Variants in DNAJC8 observed in about 807,000 individuals in gnomAD.
DNAJC8 encodes the protein dnaJ homolog subfamily C member 8.
In DNAJC8, 24 loss-of-function variants were observed where a neutral mutation model predicts 43.2. That is an observed-to-expected ratio of 0.56 (90% CI 0.40 to 0.78). DNAJC8 has a LOEUF of 0.78. Ranked by LOEUF, DNAJC8 falls within the 30% of genes least tolerant of loss-of-function variation. DNAJC8 has a pLI of 0.00. For missense variants in DNAJC8, 207 were observed against 299.4 expected, an observed-to-expected ratio of 0.69 and a Z score of 2.28; for synonymous variants, 83 against 98.0, an observed-to-expected ratio of 0.85 and a Z score of 0.90.
intron 7 of DNAJC8, 94 bp downstream of exon 7, chr1:28,205,164 A>T: frequency 1.1e-6 from 1 of 900,328 alleles, no homozygotes; most frequent in Non-Finnish European, 1.7e-6. Flanking sequence ...TAAATGGTAT[A>T]CTATATAATT....
At chr1:28,225,998 C>A (rs1646931585) in intron 2 of DNAJC8, among the ~76,000 whole-genome samples, 1 of 150,932 alleles carries the variant, frequency 6.6e-6, no homozygotes. Flanking sequence ...GCCACCACAC[C>A]TGGCCAAAAT....
intron 3 of DNAJC8, among the ~76,000 whole-genome samples, chr1:28,213,872 T>C (rs1478015781): frequency 1.3e-5 from 2 of 151,886 alleles, no homozygotes; most frequent in African/African-American, 2.4e-5. Context: ...AAAAATTATC[T>C]GAGCATGGTG....
At chr1:28,208,533 T>TAA (rs905232237) in intron 5 of DNAJC8, 120 bp from the exon 6 acceptor site, 99 of 380,636 alleles carry the variant, frequency 2.6e-4, no homozygotes, top group South Asian at 7.0e-4. Flanking sequence ...AAGTTTTCAT[T>TAA]AAAAAAAAAA....
rs184901526 is a variant in DNAJC8, at chr1:28,218,443, G to T, written c.181-3447C>A. ...ATAATTTTTTTTTTTTTGAGACAGT[G>T]TCTCACTTTGTTGCCCAGGCTGGAG... On this transcript the variant is annotated intron_variant, in intron 2 of 8. Coordinates refer to ENST00000263697, the MANE Select transcript of DNAJC8 (RefSeq NM_014280.3). Among the ~76,000 whole-genome samples the T allele has an allele frequency of 6.0e-5, 9 of 150,648 alleles. No homozygotes were observed. The East Asian group carries it at 1.8e-3, about 29-fold the overall frequency.
At chr1:28,232,044 C>G (rs1023228192) in intron 1 of DNAJC8, among the ~76,000 whole-genome samples, 2 of 151,210 alleles carry the variant, frequency 1.3e-5, no homozygotes, top group African/African-American at 2.4e-5. Flanking sequence ...CGTGAGCCAC[C>G]GCGCCCAACC....
At chr1:28,210,228 A>C in intron 4 of DNAJC8, 162 bp from the exon 5 acceptor site, 1 of 649,074 alleles carries the variant, frequency 1.5e-6, no homozygotes, top group South Asian at 2.0e-5. Flanking sequence ...TATAGCAATG[A>C]CTTTCCTTAA....
intron 8 of DNAJC8, among the ~76,000 whole-genome samples, chr1:28,201,613 A>G (rs1553167340): frequency 6.6e-6 from 1 of 152,058 alleles, no homozygotes; most frequent in African/African-American, 2.4e-5. Flanking sequence ...ACATGGTGAA[A>G]CCCTGTGTCT....
intron 6 of DNAJC8, among the ~76,000 whole-genome samples, chr1:28,206,910 A>G (rs2149015420): frequency 6.6e-6 from 1 of 152,352 alleles, no homozygotes; most frequent in South Asian, 2.1e-4. Flanking sequence ...CCAGTCCCTA[A>G]TAAAGACAAA....
Position 28,229,873 on chromosome 1 carries a change from CAT to C in DNAJC8, c.79-852_79-851del, listed in dbSNP as rs1215984601. Reference sequence around the variant, plus strand: ...AAGGAAAAATACAATCACAGTAAGACATAAACTATGAGCAGCATTTAAAACTG... The same window carrying C: ...AAGGAAAAATACAATCACAGTAAGACAAACTATGAGCAGCATTTAAAACTG... On this transcript the variant is annotated intron_variant, in intron 1 of 8. Coordinates refer to ENST00000263697, the MANE Select transcript of DNAJC8 (RefSeq NM_014280.3). Among the ~76,000 whole-genome samples, 4 of 151,794 alleles carry C rather than the reference CAT, an allele frequency of 2.6e-5. No homozygotes were observed. In the South Asian group the frequency reaches 6.3e-4, roughly 24 times the overall value.
chr1:28,204,895 C>G (rs1646758804), intron 7 of DNAJC8, among the ~76,000 whole-genome samples: 2 of 152,094 alleles, frequency 1.3e-5, no homozygotes, highest in Non-Finnish European at 2.9e-5. Flanking sequence ...TGGTGGTGTA[C>G]ACCTGTAGTC....
intron 8 of DNAJC8, 32 bp from the exon 9 acceptor site, chr1:28,201,402 C>A (rs756105567): frequency 5.0e-6 from 8 of 1,613,020 alleles, no homozygotes; most frequent in Non-Finnish European, 5.9e-6. Context: ...GGTGAGGAGA[C>A]CAGTCAATGA....
At chr1:28,212,722 T>C (rs573424223) in intron 3 of DNAJC8, among the ~76,000 whole-genome samples, 1 of 152,326 alleles carries the variant, frequency 6.6e-6, no homozygotes, top group Non-Finnish European at 1.5e-5. Context: ...CAGGGAACTA[T>C]GTCGGGGAAT....
intron 2 of DNAJC8, among the ~76,000 whole-genome samples, chr1:28,227,226 T>C (rs1029640765): frequency 7.0e-6 from 1 of 142,848 alleles, no homozygotes; most frequent in African/African-American, 2.6e-5. Context: ...CTGAACAATA[T>C]GGCAAAACCC....
intron 2 of DNAJC8, among the ~76,000 whole-genome samples, chr1:28,218,179 T>C (rs1427735453): frequency 1.3e-4 from 19 of 147,216 alleles, no homozygotes; most frequent in Non-Finnish European, 2.7e-4. Flanking sequence ...CACTGCAACC[T>C]CCGCCTCTGG....
intron 4 of DNAJC8, 77 bp downstream of exon 4, chr1:28,210,494 G>C (rs1646803416): frequency 7.6e-7 from 1 of 1,315,312 alleles, no homozygotes; most frequent in African/African-American, 1.5e-5. Flanking sequence ...AACAGTCTTT[G>C]CTTGATCTAG....
In DNAJC8 at chr1:28,232,948, C is replaced by T. The variant is rs775966995; in HGVS notation, c.51G>A (p.Glu17=). 3.1e-6 allele frequency: 5 copies of T among 1,613,258 alleles called. No individual in the cohort carries two copies. In the African/African-American group the frequency reaches 6.7e-5, roughly 22 times the overall value. Residue 17 remains glutamate (E), a synonymous_variant, in exon 1 of 9, where the codon GAG becomes GAA. Transcript: ENST00000263697. ...SGTSGGGGST[E]EAFMTFYSEV... Reference sequence around the variant, plus strand: ...CACTGTAGAAGGTCATAAATGCTTCCTCGGTGCTGCCTCCGCCGCCTGAAG... The same window carrying T: ...CACTGTAGAAGGTCATAAATGCTTCTTCGGTGCTGCCTCCGCCGCCTGAAG...
chr1:28,201,255 C>T lies in DNAJC8; in HGVS notation c.755G>A (p.Arg252His), dbSNP rs1557703968. The T allele has an allele frequency of 1.9e-6, 3 of 1,612,060 alleles. No homozygotes were observed. Among genetic ancestry groups the T allele is most frequent in the Non-Finnish European group, 2.5e-6 (3 of 1,179,908 alleles). The change falls in exon 9 of 9, where the codon CGT (arginine) becomes CAT (histidine). Residue 252 changes from arginine to histidine, a missense_variant. Around this residue, in one of 2 missense-constraint regions of DNAJC8, gnomAD observed 159 missense variants for 267.5 expected, o/e 0.59. Coordinates refer to ENST00000263697, the MANE Select transcript of DNAJC8 (RefSeq NM_014280.3). ...LRPPKVKMEQ[R>H]E ...GCCTGTGACCTTGGGCGGTCACTCACGTTGCTCCATTTTTACTTTCGGTGG... is the reference window on the plus strand; with the variant it reads ...GCCTGTGACCTTGGGCGGTCACTCATGTTGCTCCATTTTTACTTTCGGTGG...
chr1:28,203,565 G>A (rs937773614), intron 8 of DNAJC8, among the ~76,000 whole-genome samples, 182 bp downstream of exon 8: 12 of 152,162 alleles, frequency 7.9e-5, no homozygotes, highest in South Asian at 4.2e-4. Flanking sequence ...GATCCTCATC[G>A]TCCTTGCCAA....
chr1:28,217,614 A>G (rs1646867846), intron 2 of DNAJC8, among the ~76,000 whole-genome samples: 1 of 151,944 alleles, frequency 6.6e-6, no homozygotes, highest in Non-Finnish European at 1.5e-5. Context: ...AGGGGCTGTA[A>G]CTGTTCATAC....
Sources: gnomAD v4.1 joint callset for allele counts (sites outside exome capture counted in the v4.1 genomes callset) on GRCh38, gnomAD v4.1.1 for gene constraint, gnomAD v4.1.1 regional missense constraint, MANE v1.5 for transcripts, NCBI Gene and HGNC (gene_info 2026-07-23, HGNC 2026-07-21) for gene names.